The following TMEM131 variants were observed in gnomAD, a reference collection of about 807,000 sequenced individuals.
TMEM131 encodes the protein transmembrane protein 131, also known as 2610524E03Rik.
TMEM131 carries 66 observed loss-of-function variants against 211.6 expected under a neutral mutation model. The observed-to-expected ratio is 0.31, with a 90% CI of 0.26 to 0.38. The LOEUF is 0.38. Among genes scored for constraint, TMEM131 ranks in the 10% least tolerant of loss-of-function variants. TMEM131 has a pLI of 1.00. For synonymous variants in TMEM131, 844 were observed against 841.3 expected, an observed-to-expected ratio of 1.00 and a Z score of -0.06; for missense variants, 2,036 against 2,299.3, an observed-to-expected ratio of 0.89 and a Z score of 2.34.
At chr2:97,909,396 C>A (rs1264770380) in intron 2 of TMEM131, among the ~76,000 whole-genome samples, 1 of 151,946 alleles carries the variant, frequency 6.6e-6, no homozygotes, top group Admixed American at 6.6e-5. Flanking sequence ...TAAGCAGAGG[C>A]CAGATAATGC....
At chr2:97,903,108 C>T (rs1018473650) in intron 3 of TMEM131, among the ~76,000 whole-genome samples, 5 of 152,058 alleles carry the variant, frequency 3.3e-5, no homozygotes, top group Non-Finnish European at 5.9e-5. Context: ...ATTAATTTTT[C>T]AATATTATCT....
In TMEM131 at chr2:97,796,829, G is replaced by C. The variant is rs371316402; in HGVS notation, c.3013+15C>G. On this transcript the variant is annotated intron_variant, in intron 27 of 40. Transcript: ENST00000186436. The stretch of plus-strand genomic sequence containing the variant: ...TGCTGAAATTAGTGTCCTTGAAACT[G>C]TTAGGAAGACTTACTATCTGTACAA... The C allele has an allele frequency of 3.7e-5, 59 of 1,608,678 alleles. No homozygotes were observed. In the African/African-American group the frequency reaches 6.4e-4, roughly 17 times the overall value.
chr2:97,812,700 A>G lies in TMEM131; in HGVS notation c.1667T>C (p.Val556Ala). ...ATTACTTGCTTCTGTAGCACTCAGT[A>G]CTCCAAAATCTATGAAACGTTCCTC... ...KIEERFIDFGVLSATEASNIL... is the reference protein window; with the variant it reads ...KIEERFIDFGALSATEASNIL... The change falls in exon 16 of 41, where the codon GTA (valine) becomes GCA (alanine). Residue 556 changes from valine (V) to alanine (A), a missense_variant. By Grantham distance (64) the Val-to-Ala change is moderately conservative (BLOSUM62 0). Transcript: ENST00000186436. 1 of 1,599,082 alleles carries G rather than the reference A, an allele frequency of 6.3e-7. No homozygotes were observed. The highest frequency in any genetic ancestry group is 1.1e-5 in the South Asian group (1 of 87,168).
At chr2:97,877,195 A>G (rs1185655584) in intron 4 of TMEM131, among the ~76,000 whole-genome samples, 4 of 152,198 alleles carry the variant, frequency 2.6e-5, no homozygotes, top group Non-Finnish European at 5.9e-5. Context: ...CTGCTCAAGG[A>G]AATTAAGAGA....
At chr2:97,943,037 A>AG (rs1677844966) in intron 1 of TMEM131, among the ~76,000 whole-genome samples, 1 of 66,000 alleles carries the variant, frequency 1.5e-5, no homozygotes, top group Non-Finnish European at 3.2e-5. Context: ...AAAAGAAAAG[A>AG]AAAGAAAGAA....
chr2:97,865,495 T>A (rs554466061), intron 4 of TMEM131, among the ~76,000 whole-genome samples: 1 of 152,350 alleles, frequency 6.6e-6, no homozygotes, highest in East Asian at 1.9e-4. Flanking sequence ...CATGAAAGGA[T>A]GTTATTATCT....
rs1673971522 is a variant in TMEM131 at position 97,859,330 on chromosome 2, A to T, written c.457T>A (p.Phe153Ile). ...CTATTTTGAAAAAATGATGCATGAAAATGTGATGTTGTAGCAGATATTGAT... is the reference window on the plus strand; with the variant it reads ...CTATTTTGAAAAAATGATGCATGAATATGTGATGTTGTAGCAGATATTGAT... ...LVSISATTSHFHASFFQNRKI... is the reference protein window; with the variant it reads ...LVSISATTSHIHASFFQNRKI... Residue 153 changes from phenylalanine (F) to isoleucine (I), a missense_variant, in exon 5 of 41, where the codon TTT (phenylalanine) becomes ATT (isoleucine). Phe to Ile is a conservative substitution (Grantham distance 21). Coordinates refer to ENST00000186436, the MANE Select transcript of TMEM131 (RefSeq NM_015348.2). 1 of 1,599,560 alleles carries T rather than the reference A, an allele frequency of 6.3e-7. No individual in the cohort carries two copies. The highest frequency in any genetic ancestry group is 8.5e-7 in the Non-Finnish European group (1 of 1,175,926).
intron 4 of TMEM131, among the ~76,000 whole-genome samples, chr2:97,887,375 G>A (rs1489992181): frequency 6.6e-6 from 1 of 152,232 alleles, no homozygotes; most frequent in African/African-American, 2.4e-5. Flanking sequence ...TTGCCCACAG[G>A]GCTGTTTTTC....
At chr2:97,889,463 T>C (rs1675290995) in intron 3 of TMEM131, among the ~76,000 whole-genome samples, 1 of 151,906 alleles carries the variant, frequency 6.6e-6, no homozygotes, top group Non-Finnish European at 1.5e-5. Context: ...TTAGTTTCAT[T>C]AGTATGAAAC....
At position 97,813,851 on chromosome 2, in the gene TMEM131, T is replaced by C. The variant is rs370588727; in HGVS notation, c.1617+120A>G. On this transcript the variant is annotated intron_variant, in intron 15 of 40. Coordinates refer to ENST00000186436, the MANE Select transcript of TMEM131 (RefSeq NM_015348.2). ...AAAGGTAAAAACTGACTAGGAGAAT[T>C]AGATCAATTTGCAGAGCACAAATAA... is the stretch of plus-strand genomic sequence containing the variant. The C allele has an allele frequency of 3.6e-5, 28 of 788,202 alleles. No individual in the cohort carries two copies. The East Asian group carries it at 5.2e-4, about 15-fold the overall frequency. The allele number at this position is 788,202 out of a possible 1,614,324, so 48.8% of individuals were successfully genotyped here.
intron 2 of TMEM131, among the ~76,000 whole-genome samples, chr2:97,923,274 A>G (rs961418466): frequency 6.6e-6 from 1 of 152,122 alleles, no homozygotes; most frequent in Admixed American, 6.6e-5. Context: ...GCGAGACTCC[A>G]TCTCAAAAAA....
rs1559355368 is a variant in TMEM131 at position 97,781,897 on chromosome 2, C to T, written c.4145-5879G>A. The stretch of plus-strand genomic sequence containing the variant: ...GCAGGAAAGGGGCAGCCCAGCAAGA[C>T]AAAGGCTCCAGGCCAACACCACGGT... On this transcript the variant is annotated intron_variant, in intron 31 of 40. Transcript: ENST00000186436. 2.0e-5 allele frequency among the ~76,000 whole-genome samples: 3 copies of T among 152,222 alleles called. No homozygotes were observed. In the East Asian group the frequency reaches 5.8e-4, roughly 29 times the overall value.
At chr2:97,839,074 G>A (rs1338303230) in intron 7 of TMEM131, among the ~76,000 whole-genome samples, 5 of 152,168 alleles carry the variant, frequency 3.3e-5, no homozygotes, top group Non-Finnish European at 7.4e-5. Context: ...CTGTAATCCC[G>A]GCACTTTGGG....
chr2:97,793,420 T>G lies in TMEM131; in HGVS notation c.3520A>C (p.Ile1174Leu), dbSNP rs745866772. The G allele has an allele frequency of 6.2e-7, 1 of 1,613,772 alleles. No individual in the cohort carries two copies. The highest frequency in any genetic ancestry group is 8.5e-7 in the Non-Finnish European group (1 of 1,179,742). The change falls in exon 30 of 41, where the codon ATC becomes CTC. Residue 1174 changes from isoleucine to leucine, a missense_variant. Physicochemically the swap from Ile to Leu is conservative, Grantham distance 5. Coordinates refer to ENST00000186436, the MANE Select transcript of TMEM131 (RefSeq NM_015348.2). ...DVGRPFDLRR[I>L]VGISSEGNLN... ...TTTCCTTCAGATGAAATACCAACGA[T>G]TCTCCTGAGATCAAATGGCCTTCCC...
At chr2:97,980,495 GC>G (rs1177396667) in intron 1 of TMEM131, among the ~76,000 whole-genome samples, 1 of 152,192 alleles carries the variant, frequency 6.6e-6, no homozygotes, top group African/African-American at 2.4e-5. Flanking sequence ...AAATGGTACA[GC>G]CGCTTTGGAA....
At chr2:97,948,660 T>C (rs944426019) in intron 1 of TMEM131, among the ~76,000 whole-genome samples, 2 of 151,768 alleles carry the variant, frequency 1.3e-5, no homozygotes, top group Non-Finnish European at 2.9e-5. Context: ...TTCTTTTTTT[T>C]TTATTTATTT....
In TMEM131 at chr2:97,796,275, A is replaced by G; in HGVS notation, c.3143T>C (p.Val1048Ala). 2 of 1,573,548 alleles carry G rather than the reference A, an allele frequency of 1.3e-6. No individual in the cohort carries two copies. Among genetic ancestry groups the G allele is most frequent in the African/African-American group, 2.7e-5 (2 of 73,988 alleles). ...TAGAGTAAACTCTTGACAATTAACA[A>G]CTTTAAAGCCATATCCTTCACATGA... ...GYSCEGYGFK[V>A]VNCQEFTLSA... Residue 1048 changes from valine (V) to alanine (A), a missense_variant, in exon 28 of 41, where the codon GTT (valine) becomes GCT (alanine). Val to Ala is a moderately conservative substitution (Grantham distance 64). Around this residue, in one of 3 missense-constraint regions of TMEM131, gnomAD observed 1,623 missense variants for 1,805.9 expected, o/e 0.90. Coordinates refer to ENST00000186436, the MANE Select transcript of TMEM131 (RefSeq NM_015348.2).
In TMEM131 at chr2:97,893,062, G is replaced by A. The variant is rs572253577; in HGVS notation, c.291-4942C>T. 1.1e-4 allele frequency among the ~76,000 whole-genome samples: 17 copies of A among 151,710 alleles called. No homozygotes were observed. In the East Asian group the frequency reaches 1.2e-3, roughly 10 times the overall value. The stretch of plus-strand genomic sequence containing the variant: ...TCCCTCCCCTAGCCGCCCAACCCCC[G>A]ACAGGCGTGTGATGTTCCCCTCCCT... On this transcript the variant is annotated intron_variant, in intron 3 of 40. Coordinates refer to ENST00000186436, the MANE Select transcript of TMEM131 (RefSeq NM_015348.2).
At chr2:97,838,413 TCTTAAG>T (rs1251135577) in intron 7 of TMEM131, among the ~76,000 whole-genome samples, 1 of 145,930 alleles carries the variant, frequency 6.9e-6, no homozygotes, top group South Asian at 2.2e-4. Context: ...AAATGGCAAT[TCTTAAG>T]CTTAAACTTT....
Sources: gnomAD v4.1 joint callset for allele counts (sites outside exome capture counted in the v4.1 genomes callset) on GRCh38, gnomAD v4.1.1 for gene constraint, gnomAD v4.1.1 regional missense constraint, MANE v1.5 for transcripts, NCBI Gene and HGNC (gene_info 2026-07-23, HGNC 2026-07-21) for gene names.